Variants in CCSER1 observed in about 807,000 individuals in gnomAD.
CCSER1 encodes the protein coiled-coil serine rich protein 1.
CCSER1 carries 41 observed loss-of-function variants against 82.0 expected under a neutral mutation model. The ratio of observed to expected loss-of-function variants is 0.50; its 90% CI spans 0.39 to 0.65. The LOEUF (loss-of-function observed/expected upper bound fraction) is 0.65. Among genes scored for constraint, CCSER1 ranks in the 30% least tolerant of loss-of-function variants. The pLI is 0.00. For synonymous variants in CCSER1, 414 were observed against 383.9 expected (o/e 1.08, Z -0.92); for missense variants, 1,119 against 1,064.2 (o/e 1.05, Z -0.72).
At chr4:91,180,854 AT>A (rs1733951980) in intron 10 of CCSER1, among the ~76,000 whole-genome samples, 2 of 152,250 alleles carry the variant, frequency 1.3e-5, no homozygotes, top group African/African-American at 4.8e-5. Flanking sequence ...CAAACCAGTC[AT>A]TAGCATTGTT....
chr4:91,374,831 A>T (rs1033885618), intron 10 of CCSER1, among the ~76,000 whole-genome samples: 1 of 152,176 alleles, frequency 6.6e-6, no homozygotes, highest in Non-Finnish European at 1.5e-5. Context: ...TCCCATCTCT[A>T]CTAAAAATAC....
intron 10 of CCSER1, among the ~76,000 whole-genome samples, chr4:91,411,054 A>G (rs918225474): frequency 6.6e-6 from 1 of 152,022 alleles, no homozygotes; most frequent in African/African-American, 2.4e-5. Context: ...CAATATTTAT[A>G]TAATTTTATG....
At chr4:90,449,988 G>A (rs1761224170) in intron 4 of CCSER1, among the ~76,000 whole-genome samples, 1 of 152,212 alleles carries the variant, frequency 6.6e-6, no homozygotes, top group Admixed American at 6.5e-5. Flanking sequence ...CATCTTCTCA[G>A]TGGCTGCCCC....
At chr4:90,584,494 T>C (rs1482969621) in intron 5 of CCSER1, among the ~76,000 whole-genome samples, 1 of 152,204 alleles carries the variant, frequency 6.6e-6, no homozygotes, top group Non-Finnish European at 1.5e-5. Flanking sequence ...CCATCCAGAT[T>C]CTTTGATTTG....
At chr4:91,300,972 C>T (rs1177542558) in intron 10 of CCSER1, among the ~76,000 whole-genome samples, 1 of 151,790 alleles carries the variant, frequency 6.6e-6, no homozygotes, top group Non-Finnish European at 1.5e-5. Context: ...ACAGTTGCTA[C>T]TCACTTTATC....
At chr4:90,895,947 A>G (rs1723644531) in intron 8 of CCSER1, among the ~76,000 whole-genome samples, 1 of 151,996 alleles carries the variant, frequency 6.6e-6, no homozygotes, top group Admixed American at 6.6e-5. Context: ...AGTATGGAGC[A>G]TATATTAAGT....
At chr4:91,305,261 A>G (rs1578159054) in intron 10 of CCSER1, among the ~76,000 whole-genome samples, 4 of 152,094 alleles carry the variant, frequency 2.6e-5, no homozygotes, top group Non-Finnish European at 5.9e-5. Flanking sequence ...AAAATGCAAA[A>G]AAAAGAATTT....
At chr4:91,166,057 T>A (rs995718543) in intron 10 of CCSER1, among the ~76,000 whole-genome samples, 7 of 152,216 alleles carry the variant, frequency 4.6e-5, no homozygotes, top group Non-Finnish European at 8.8e-5. Flanking sequence ...TATTTGGCCA[T>A]CTTGAAATGG....
At chr4:91,186,596 C>A (rs545919676) in intron 10 of CCSER1, among the ~76,000 whole-genome samples, 183 of 152,162 alleles carry the variant, frequency 1.2e-3, no homozygotes, top group Non-Finnish European at 2.1e-3. Flanking sequence ...TATAGAGGTG[C>A]GCAGTGGGAA....
At chr4:90,582,482 T>A (rs991177154) in intron 5 of CCSER1, among the ~76,000 whole-genome samples, 1 of 152,224 alleles carries the variant, frequency 6.6e-6, no homozygotes, top group Non-Finnish European at 1.5e-5. Flanking sequence ...CTCCACATGA[T>A]TAGTACAAAG....
intron 5 of CCSER1, among the ~76,000 whole-genome samples, chr4:90,567,578 T>C (rs1256738706): frequency 1.3e-5 from 2 of 151,696 alleles, no homozygotes; most frequent in African/African-American, 4.8e-5. Context: ...GCATGAGCCA[T>C]TGCACCCAGC....
At chr4:90,957,869 G>T (rs539214351) in intron 9 of CCSER1, among the ~76,000 whole-genome samples, 32 of 151,284 alleles carry the variant, frequency 2.1e-4, no homozygotes, top group Admixed American at 3.3e-4. Context: ...AATGATGAAA[G>T]GACTAGGGAC....
chr4:91,259,933 A>C (rs1451909549), intron 10 of CCSER1, among the ~76,000 whole-genome samples: 1 of 152,220 alleles, frequency 6.6e-6, no homozygotes, highest in Non-Finnish European at 1.5e-5. Context: ...ATTCTTACAA[A>C]AGAAAGTTTG....
intron 9 of CCSER1, among the ~76,000 whole-genome samples, chr4:90,943,991 T>C (rs1731921740): frequency 6.6e-6 from 1 of 151,624 alleles, no homozygotes; most frequent in Non-Finnish European, 1.5e-5. Flanking sequence ...CCCAGCACTT[T>C]GGGAGGCCGA....
At position 90,694,928 on chromosome 4, in the gene CCSER1, C is replaced by T. The variant is rs184867160; in HGVS notation, c.1933-28986C>T. On this transcript the variant is annotated intron_variant, in intron 6 of 10. Coordinates refer to ENST00000509176, the MANE Select transcript of CCSER1 (RefSeq NM_001145065.2). ...AGACGTTTTGAAATCGTTTAATATACCACCAAATCTGAATGCCAATGAGCT... is the reference window on the plus strand; with the variant it reads ...AGACGTTTTGAAATCGTTTAATATATCACCAAATCTGAATGCCAATGAGCT... 3.3e-3 allele frequency among the ~76,000 whole-genome samples: 500 copies of T among 151,582 alleles called. 2 individuals are homozygous for T. Among genetic ancestry groups the T allele is most frequent in the African/African-American group, 0.011 (468 of 41,386 alleles).
At chr4:91,261,465 T>C (rs1195548708) in intron 10 of CCSER1, among the ~76,000 whole-genome samples, 1 of 152,230 alleles carries the variant, frequency 6.6e-6, no homozygotes, top group African/African-American at 2.4e-5. Flanking sequence ...CAATATGGTA[T>C]CTTGGAAAGA....
intron 10 of CCSER1, among the ~76,000 whole-genome samples, chr4:91,264,617 A>G (rs1741433737): frequency 1.3e-5 from 2 of 152,032 alleles, no homozygotes; most frequent in South Asian, 4.1e-4. Flanking sequence ...AGCATAATGA[A>G]TTTTTAAAAT....
At chr4:91,125,548 C>A (rs1311784292) in intron 10 of CCSER1, among the ~76,000 whole-genome samples, 15 of 151,614 alleles carry the variant, frequency 9.9e-5, no homozygotes, top group Non-Finnish European at 1.5e-5. Flanking sequence ...ATATTTCTTA[C>A]CTATCTAAAT....
chr4:91,101,809 T>C (rs1345041307), intron 10 of CCSER1, among the ~76,000 whole-genome samples: 1 of 152,202 alleles, frequency 6.6e-6, no homozygotes, highest in Non-Finnish European at 1.5e-5. Context: ...CTATACCTCT[T>C]AGTGACTCAG....
Sources: allele counts gnomAD v4.1 joint callset (sites outside exome capture counted in the v4.1 genomes callset), GRCh38; gene constraint gnomAD v4.1.1; transcripts MANE v1.5; gene names NCBI Gene and HGNC (gene_info 2026-07-23, HGNC 2026-07-21).